CREB5: variants seen among roughly 807,000 people sequenced by gnomAD.
CREB5 encodes the protein cAMP responsive element binding protein 5, also known as cyclic AMP-responsive element-binding protein 5.
CREB5 carries 19 observed loss-of-function variants against 57.1 expected under a neutral mutation model. That is an observed-to-expected ratio of 0.33 (90% CI 0.23 to 0.49). CREB5 has a LOEUF of 0.49. CREB5 is among the 20% of genes least tolerant of loss of function. CREB5 has a pLI of 0.99. For synonymous variants in CREB5, 238 were observed against 238.3 expected (o/e 1.00, Z 0.01); for missense variants, 579 against 671.6 (o/e 0.86, Z 1.52).
chr7:28,563,664 C>T (rs973338186), intron 4 of CREB5, among the ~76,000 whole-genome samples: 7 of 152,148 alleles, frequency 4.6e-5, no homozygotes, highest in Non-Finnish European at 7.4e-5. Flanking sequence ...TAGCTGGGAC[C>T]ACAGGTGTGT....
chr7:28,658,953 G>GTGTATATATATATATATATATGTGTA (rs1400561698), intron 5 of CREB5, among the ~76,000 whole-genome samples: 1 of 99,584 alleles, frequency 1.0e-5, no homozygotes, highest in African/African-American at 3.3e-5. Context: ...GTGTGTGTGT[G>GTGTATATATATATATATATATGTGTA]TATATATATA....
chr7:28,546,880 T>C (rs1794443850), intron 4 of CREB5, among the ~76,000 whole-genome samples: 1 of 152,196 alleles, frequency 6.6e-6, no homozygotes, highest in African/African-American at 2.4e-5. Flanking sequence ...GGGGCCACTC[T>C]TGGTGTGGAT....
chr7:28,621,355 C>A (rs1322959706), intron 5 of CREB5, among the ~76,000 whole-genome samples: 1 of 152,100 alleles, frequency 6.6e-6, no homozygotes, highest in African/African-American at 2.4e-5. Flanking sequence ...TTACAATACC[C>A]CTTTTGCCCC....
intron 9 of CREB5, among the ~76,000 whole-genome samples, chr7:28,814,548 T>G (rs1809309286): frequency 2.0e-5 from 3 of 152,226 alleles, no homozygotes; most frequent in Non-Finnish European, 4.4e-5. Context: ...TAAGCATATT[T>G]GAGCATATTG....
chr7:28,353,673 C>G (rs1158394546), intron 1 of CREB5, among the ~76,000 whole-genome samples: 10 of 151,874 alleles, frequency 6.6e-5, no homozygotes, highest in Non-Finnish European at 1.5e-4. Flanking sequence ...GAAACCCCGT[C>G]TCTACTAAAA....
At chr7:28,777,756 T>C (rs1311501140) in intron 7 of CREB5, among the ~76,000 whole-genome samples, 1 of 152,178 alleles carries the variant, frequency 6.6e-6, no homozygotes, top group Non-Finnish European at 1.5e-5. Flanking sequence ...CTCAGTGAAT[T>C]TTTAAAATTA....
chr7:28,723,290 A>G (rs1316833899), intron 6 of CREB5, among the ~76,000 whole-genome samples: 1 of 152,184 alleles, frequency 6.6e-6, no homozygotes, highest in African/African-American at 2.4e-5. Flanking sequence ...TTTTCCACCA[A>G]ACGGAAAATA....
chr7:28,748,709 C>T lies in CREB5; in HGVS notation c.702+24377C>T, dbSNP rs527810595. 2.6e-5 allele frequency among the ~76,000 whole-genome samples: 4 copies of T among 152,268 alleles called. No individual in the cohort carries two copies. In the South Asian group the frequency reaches 6.2e-4, roughly 24 times the overall value. On this transcript the variant is annotated intron_variant, in intron 7 of 10. Coordinates refer to ENST00000357727, the MANE Select transcript of CREB5 (RefSeq NM_182898.4). ...CCTCTACTCAGATAGATTTGAGTTA[C>T]CACGGCATGCCAGTGAGGAAAAGCA...
At chr7:28,362,105 A>T (rs533733833) in intron 1 of CREB5, among the ~76,000 whole-genome samples, 3 of 152,214 alleles carry the variant, frequency 2.0e-5, no homozygotes, top group Non-Finnish European at 4.4e-5. Flanking sequence ...TCAGAAGTAC[A>T]TAGTATACTT....
chr7:28,544,478 C>A (rs1371732384), intron 4 of CREB5, among the ~76,000 whole-genome samples: 2 of 152,224 alleles, frequency 1.3e-5, no homozygotes, highest in African/African-American at 4.8e-5. Context: ...TTAAATTTAA[C>A]TTTTGCTCCA....
At chr7:28,308,323 G>C (rs1205704028) in intron 1 of CREB5, among the ~76,000 whole-genome samples, 1 of 152,150 alleles carries the variant, frequency 6.6e-6, no homozygotes, top group Non-Finnish European at 1.5e-5. Context: ...CGAGTGCTTA[G>C]AGCACAATAT....
chr7:28,645,176 G>A (rs1447589072), intron 5 of CREB5, among the ~76,000 whole-genome samples: 1 of 152,208 alleles, frequency 6.6e-6, no homozygotes, highest in East Asian at 1.9e-4. Context: ...ATGGAAAGAT[G>A]ATGGCCAGCA....
intron 4 of CREB5, among the ~76,000 whole-genome samples, chr7:28,525,050 A>T (rs1296144085): frequency 6.9e-6 from 1 of 144,922 alleles, no homozygotes; most frequent in Non-Finnish European, 1.5e-5. Flanking sequence ...TAAACATTTT[A>T]GGCATCACAA....
intron 7 of CREB5, among the ~76,000 whole-genome samples, chr7:28,795,747 T>TTTTC (rs1180278260): frequency 2.1e-5 from 3 of 141,894 alleles, no homozygotes; most frequent in Non-Finnish European, 3.1e-5. Flanking sequence ...AATTAACTGT[T>TTTTC]TTTCTTTCTT....
At chr7:28,710,799 G>A (rs543035158) in intron 5 of CREB5, among the ~76,000 whole-genome samples, 27 of 152,184 alleles carry the variant, frequency 1.8e-4, no homozygotes, top group Non-Finnish European at 3.2e-4. Context: ...AAATGAGAGC[G>A]TGCACCAAGC....
At chr7:28,678,909 A>C (rs1800454035) in intron 5 of CREB5, among the ~76,000 whole-genome samples, 2 of 152,250 alleles carry the variant, frequency 1.3e-5, no homozygotes, top group African/African-American at 2.4e-5. Context: ...AGAGAAGGTC[A>C]GTTATTAGAT....
chr7:28,493,702 G>A (rs965312215), intron 2 of CREB5, among the ~76,000 whole-genome samples: 1 of 152,134 alleles, frequency 6.6e-6, no homozygotes, highest in African/African-American at 2.4e-5. Flanking sequence ...GCAACCACAA[G>A]AGAGCCAGAA....
At chr7:28,311,741 C>G (rs1354546374) in intron 1 of CREB5, among the ~76,000 whole-genome samples, 1 of 152,208 alleles carries the variant, frequency 6.6e-6, no homozygotes, top group Non-Finnish European at 1.5e-5. Flanking sequence ...GGGCAAGGTA[C>G]GGCACCTCTC....
intron 4 of CREB5, among the ~76,000 whole-genome samples, chr7:28,567,767 G>A (rs1044484216): frequency 1.3e-5 from 2 of 152,194 alleles, no homozygotes; most frequent in Non-Finnish European, 2.9e-5. Flanking sequence ...TGGTTAGTAC[G>A]AGGGTAGGAA....
Sources: gnomAD v4.1 joint callset for allele counts (sites outside exome capture counted in the v4.1 genomes callset) on GRCh38, gnomAD v4.1.1 for gene constraint, MANE v1.5 for transcripts, NCBI Gene and HGNC (gene_info 2026-07-23, HGNC 2026-07-21) for gene names.